MAP3K7CL: variants seen among roughly 807,000 people sequenced by gnomAD.
MAP3K7CL encodes MAP3K7 C-terminal like.
Under a neutral mutation model 18.6 loss-of-function variants are expected in MAP3K7CL, and 16 were observed. The observed-to-expected ratio is 0.86, with a 90% CI of 0.58 to 1.31. The LOEUF is 1.31. MAP3K7CL is among the 50% of genes most tolerant of loss of function. The probability of loss-of-function intolerance (pLI) is 0.00; values close to 1 mark genes in which losing one functional copy is unlikely to be tolerated. For synonymous variants in MAP3K7CL, 65 were observed against 66.8 expected (o/e 0.97, Z 0.13); for missense variants, 163 against 174.4 (o/e 0.93, Z 0.37).
chr21:29,129,436 G>A (rs1370959993), upstream of MAP3K7CL, among the ~76,000 whole-genome samples: 1 of 152,198 alleles, frequency 6.6e-6, no homozygotes. Context: ...GAATTATACA[G>A]CATGTAGCCT....
At chr21:29,107,841 T>C (rs1463418259) in intron 4 of MAP3K7CL, among the ~76,000 whole-genome samples, 3 of 152,230 alleles carry the variant, frequency 2.0e-5, no homozygotes, top group Non-Finnish European at 2.9e-5. Flanking sequence ...ATAACTGATA[T>C]GGAAATTATT....
At chr21:29,157,016 G>A (rs945209484) in intron 3 of MAP3K7CL, among the ~76,000 whole-genome samples, 3 of 152,178 alleles carry the variant, frequency 2.0e-5, no homozygotes, top group African/African-American at 7.2e-5. Flanking sequence ...AGTACAAATG[G>A]AGTCAGCCTC....
At chr21:29,095,361 G>T (rs1231836583) in intron 4 of MAP3K7CL, among the ~76,000 whole-genome samples, 2 of 152,096 alleles carry the variant, frequency 1.3e-5, no homozygotes, top group African/African-American at 4.8e-5. Context: ...GGAGCCTTTT[G>T]TGTGGGGCAG....
At chr21:29,143,957 T>TA (rs1442238315) in intron 2 of MAP3K7CL, among the ~76,000 whole-genome samples, 1 of 152,174 alleles carries the variant, frequency 6.6e-6, no homozygotes, top group Non-Finnish European at 1.5e-5. Context: ...TGCTTATTTT[T>TA]ATCTGTAAAG....
At chr21:29,077,395 C>G (rs1248171828), upstream of MAP3K7CL, 1 of 153,246 alleles carries the variant, frequency 6.5e-6, no homozygotes, top group Non-Finnish European at 1.5e-5. Flanking sequence ...CCGGTGGGGC[C>G]GGCAGGCGGC....
chr21:29,162,925 C>G (rs550202005), intron 4 of MAP3K7CL, among the ~76,000 whole-genome samples: 3 of 152,172 alleles, frequency 2.0e-5, no homozygotes, highest in Admixed American at 2.0e-4. Context: ...GCCAACATGG[C>G]AAAGCCCTGT....
At chr21:29,099,261 ATTTTTTTTT>A (rs968362985) in intron 4 of MAP3K7CL, among the ~76,000 whole-genome samples, 3 of 83,068 alleles carry the variant, frequency 3.6e-5, no homozygotes, top group African/African-American at 1.1e-4. Flanking sequence ...CAGCTAATTG[ATTTTTTTTT>A]TTTTTTTTTT....
At chr21:29,078,234 C>T (rs2085780641) in intron 1 of MAP3K7CL, among the ~76,000 whole-genome samples, 1 of 151,722 alleles carries the variant, frequency 6.6e-6, no homozygotes, top group Non-Finnish European at 1.5e-5. Context: ...AATTTTAATT[C>T]TTTTGTTTGG....
intron 2 of MAP3K7CL, among the ~76,000 whole-genome samples, chr21:29,145,211 G>A (rs2087099905): frequency 7.8e-6 from 1 of 128,698 alleles, no homozygotes; most frequent in African/African-American, 2.9e-5. Context: ...TAAATAATTG[G>A]TAAATTTTAA....
chr21:29,095,516 G>T (rs1051769601), intron 4 of MAP3K7CL, among the ~76,000 whole-genome samples: 3 of 152,170 alleles, frequency 2.0e-5, no homozygotes, highest in Non-Finnish European at 4.4e-5. Context: ...AGACCTGATT[G>T]TTACTCTCAG....
At chr21:29,138,606 A>G (rs2146647864) in intron 2 of MAP3K7CL, among the ~76,000 whole-genome samples, 1 of 152,336 alleles carries the variant, frequency 6.6e-6, no homozygotes, top group Middle Eastern at 3.4e-3. Flanking sequence ...TGCATTTTTT[A>G]GAATAGTTTT....
chr21:29,086,049 A>G, intron 1 of MAP3K7CL: 1 of 959,008 alleles, frequency 1.0e-6, no homozygotes. Context: ...GCTAACCATT[A>G]CTGTTGGCAA....
chr21:29,078,959 C>T (rs1010583058), intron 1 of MAP3K7CL, among the ~76,000 whole-genome samples: 2 of 152,214 alleles, frequency 1.3e-5, no homozygotes, highest in African/African-American at 4.8e-5. Context: ...ACATAGATGA[C>T]AAAAGGAAGA....
At chr21:29,122,669 C>T (rs2086614885) in intron 4 of MAP3K7CL, among the ~76,000 whole-genome samples, 1 of 152,206 alleles carries the variant, frequency 6.6e-6, no homozygotes, top group Non-Finnish European at 1.5e-5. Flanking sequence ...CTTTTCTCTA[C>T]TTCTCTGCCG....
chr21:29,092,118 G>A, intron 3 of MAP3K7CL: 1 of 378,790 alleles, frequency 2.6e-6, no homozygotes, highest in East Asian at 4.5e-5. Flanking sequence ...GTTGGTAAAG[G>A]GTAGAATTCT....
chr21:29,169,235 T>A (rs2087764503), intron 4 of MAP3K7CL, among the ~76,000 whole-genome samples: 1 of 152,226 alleles, frequency 6.6e-6, no homozygotes, highest in South Asian at 2.1e-4. Context: ...AAGTCTGACT[T>A]CCTCCTGCAC....
At chr21:29,171,956 A>G (rs1396191651) in intron 4 of MAP3K7CL, among the ~76,000 whole-genome samples, 5 of 151,824 alleles carry the variant, frequency 3.3e-5, no homozygotes, top group East Asian at 3.9e-4. Flanking sequence ...ACATATATAC[A>G]TATGTGTATG....
intron 3 of MAP3K7CL, 100 bp from the exon 4 acceptor site, chr21:29,159,841 G>T: frequency 4.9e-6 from 4 of 809,514 alleles, no homozygotes; most frequent in Non-Finnish European, 6.0e-6. Context: ...AAAAAAAGAA[G>T]AAGAAAAAAC....
upstream of MAP3K7CL, among the ~76,000 whole-genome samples, chr21:29,083,989 AT>A (rs2085882213): frequency 6.8e-6 from 1 of 147,844 alleles, no homozygotes; most frequent in Non-Finnish European, 1.5e-5. Flanking sequence ...TAACATATGT[AT>A]ACACACATGT....
Sources: allele counts gnomAD v4.1 joint callset (sites outside exome capture counted in the v4.1 genomes callset), GRCh38; gene constraint gnomAD v4.1.1; transcripts MANE v1.5; gene names NCBI Gene and HGNC (gene_info 2026-07-23, HGNC 2026-07-21).